The following PPARGC1A variants were observed in gnomAD, a reference collection of about 807,000 sequenced individuals.
PPARGC1A encodes the protein PPARG coactivator 1 alpha, also known as peroxisome proliferator-activated receptor gamma coactivator 1-alpha.
In PPARGC1A, 25 loss-of-function variants were observed where a neutral mutation model predicts 88.7. The ratio of observed to expected loss-of-function variants is 0.28; its 90% CI spans 0.21 to 0.39. PPARGC1A has a LOEUF of 0.39. PPARGC1A is among the 10% of genes least tolerant of loss of function. The pLI is 1.00. For missense variants in PPARGC1A, 880 were observed against 968.7 expected (o/e 0.91, Z 1.22); for synonymous variants, 363 against 355.6 (o/e 1.02, Z -0.24).
the PPARGC1A span, among the ~76,000 whole-genome samples, chr4:24,435,693 A>G: frequency 6.6e-6 from 1 of 152,198 alleles, no homozygotes; most frequent in African/African-American, 2.4e-5. Flanking sequence ...GATTGGAATG[A>G]ACCAATCATT....
chr4:24,222,763 G>A, the PPARGC1A span, among the ~76,000 whole-genome samples: 5 of 152,070 alleles, frequency 3.3e-5, no homozygotes, highest in East Asian at 9.6e-4. Flanking sequence ...CCAAAGACTA[G>A]AACTTTGAAG....
the PPARGC1A span, among the ~76,000 whole-genome samples, chr4:24,026,223 T>C: frequency 6.6e-6 from 1 of 152,182 alleles, no homozygotes; most frequent in African/African-American, 2.4e-5. Flanking sequence ...TTGGCCCCAC[T>C]TCCCACCAGT....
At chr4:24,064,560 G>A in the PPARGC1A span, among the ~76,000 whole-genome samples, 1 of 152,060 alleles carries the variant, frequency 6.6e-6, no homozygotes, top group African/African-American at 2.4e-5. Flanking sequence ...GCCAGAAAAC[G>A]AGACACAAAG....
the PPARGC1A span, among the ~76,000 whole-genome samples, chr4:24,376,575 T>C: frequency 5.3e-5 from 8 of 152,302 alleles, no homozygotes; most frequent in Non-Finnish European, 1.2e-4. Context: ...GCAAGAGAGT[T>C]TCCCTAACTA....
At chr4:23,871,708 T>C (rs2148770768) in intron 2 of PPARGC1A, among the ~76,000 whole-genome samples, 1 of 152,200 alleles carries the variant, frequency 6.6e-6, no homozygotes, top group African/African-American at 2.4e-5. Flanking sequence ...ACTTCACATC[T>C]GAGCAAATGA....
chr4:24,335,000 A>G, the PPARGC1A span, among the ~76,000 whole-genome samples: 179 of 152,356 alleles, frequency 1.2e-3, no homozygotes, highest in Non-Finnish European at 1.0e-3. Flanking sequence ...AAGAACCTTC[A>G]GAGGTTTCCA....
chr4:24,104,625 C>T, the PPARGC1A span, among the ~76,000 whole-genome samples: 1 of 152,050 alleles, frequency 6.6e-6, no homozygotes, highest in African/African-American at 2.4e-5. Context: ...GCTGACATCT[C>T]ATTGGAAGCA....
At chr4:24,043,381 C>G in the PPARGC1A span, among the ~76,000 whole-genome samples, 2 of 152,166 alleles carry the variant, frequency 1.3e-5, no homozygotes, top group Non-Finnish European at 2.9e-5. Flanking sequence ...TGTTTGAACT[C>G]TACAGCCTGA....
chr4:24,087,660 C>T, the PPARGC1A span, among the ~76,000 whole-genome samples: 1 of 152,222 alleles, frequency 6.6e-6, no homozygotes, highest in Non-Finnish European at 1.5e-5. Context: ...TGCCCATGGT[C>T]ATACAGCTCC....
chr4:24,343,434 C>A, the PPARGC1A span, among the ~76,000 whole-genome samples: 2 of 152,142 alleles, frequency 1.3e-5, no homozygotes, highest in Admixed American at 6.5e-5. Flanking sequence ...CAAGAAGACA[C>A]AGCATTTGTC....
the PPARGC1A span, among the ~76,000 whole-genome samples, chr4:24,305,555 G>C: frequency 2.0e-5 from 3 of 152,212 alleles, no homozygotes; most frequent in Non-Finnish European, 4.4e-5. Flanking sequence ...GCTCATGCCT[G>C]TAATCCCAGC....
the PPARGC1A span, among the ~76,000 whole-genome samples, chr4:24,000,340 TGCAA>T: frequency 6.6e-6 from 1 of 152,190 alleles, no homozygotes; most frequent in Non-Finnish European, 1.5e-5. Context: ...AGTTACCCCT[TGCAA>T]TTTCATTTGC....
chr4:24,402,301 G>T, the PPARGC1A span, among the ~76,000 whole-genome samples: 1 of 152,176 alleles, frequency 6.6e-6, no homozygotes, highest in Non-Finnish European at 1.5e-5. Context: ...TCTCCCCAGC[G>T]ACAGGAAAGG....
the PPARGC1A span, among the ~76,000 whole-genome samples, chr4:24,402,156 T>G: frequency 1.3e-5 from 2 of 152,170 alleles, no homozygotes; most frequent in Non-Finnish European, 2.9e-5. Context: ...CTGGCCTGCT[T>G]GACTCCATCC....
the PPARGC1A span, among the ~76,000 whole-genome samples, chr4:24,073,027 C>G: frequency 3.3e-5 from 5 of 151,608 alleles, no homozygotes; most frequent in Non-Finnish European, 5.9e-5. Flanking sequence ...CTTCATTGTT[C>G]TTTGTTTTGT....
At chr4:24,249,743 G>A in the PPARGC1A span, among the ~76,000 whole-genome samples, 1 of 152,162 alleles carries the variant, frequency 6.6e-6, no homozygotes, top group African/African-American at 2.4e-5. Flanking sequence ...ATCTGGGCTT[G>A]AATCATGCCG....
chr4:24,472,408 G>A, the PPARGC1A span, among the ~76,000 whole-genome samples: 4 of 152,110 alleles, frequency 2.6e-5, no homozygotes, highest in Non-Finnish European at 5.9e-5. The surrounding 1 kb of genome is among the most constrained non-coding windows in gnomAD (Gnocchi z 4.5). Flanking sequence ...AGGAGCCGTA[G>A]TTGTAAAAGA....
chr4:23,995,670 G>GTT, the PPARGC1A span, among the ~76,000 whole-genome samples: 2 of 152,052 alleles, frequency 1.3e-5, no homozygotes, highest in African/African-American at 4.8e-5. Context: ...ATTGCACAAA[G>GTT]TTCTCAAGAT....
At chr4:23,973,761 AT>A in the PPARGC1A span, among the ~76,000 whole-genome samples, 1 of 152,080 alleles carries the variant, frequency 6.6e-6, no homozygotes, top group African/African-American at 2.4e-5. Context: ...CTGAAATGAA[AT>A]CAAAAGCTCA....
Sources: allele counts gnomAD v4.1 joint callset (sites outside exome capture counted in the v4.1 genomes callset), GRCh38; gene constraint gnomAD v4.1.1; non-coding constraint Gnocchi (gnomAD v3.1); transcripts MANE v1.5; gene names NCBI Gene and HGNC (gene_info 2026-07-23, HGNC 2026-07-21).